The following MYH3 variants were observed in gnomAD, a reference collection of about 807,000 sequenced individuals.
The protein encoded by MYH3 is myosin-3.
A neutral mutation model predicts 238.0 loss-of-function variants in MYH3; 130 were observed. The observed-to-expected ratio is 0.55, with a 90% CI of 0.47 to 0.63. The LOEUF is 0.63. Ranked by LOEUF, MYH3 falls within the 30% of genes least tolerant of loss-of-function variation. MYH3 has a pLI of 0.00. For missense variants in MYH3, 1,853 were observed against 2,374.9 expected (o/e 0.78, Z 4.57); for synonymous variants, 880 against 924.1 (o/e 0.95, Z 0.86).
rs1300658639 is a variant in MYH3 at position 10,645,595 on chromosome 17, TTAC to T, written c.1141+109_1141+111del. The T allele has an allele frequency of 3.0e-5, 41 of 1,385,560 alleles. No individual in the cohort carries two copies. The Admixed American group carries it at 4.2e-4, about 14-fold the overall frequency. 85.8% of individuals were successfully genotyped at this position (1,385,560 alleles called of 1,614,324 possible). On this transcript the variant is annotated intron_variant, in intron 12 of 40. Transcript: ENST00000583535. Reference sequence around the variant, plus strand: ...CCCTCAGCCTCCCAAAGTGCTGGGATTACAGGTGTGAGCCACTGTGCCTGGCTG... The same window carrying T: ...CCCTCAGCCTCCCAAAGTGCTGGGATAGGTGTGAGCCACTGTGCCTGGCTG...
At chr17:10,632,051 T>G in intron 34 of MYH3, 35 bp from the exon 35 acceptor site, 1 of 1,607,042 alleles carries the variant, frequency 6.2e-7, no homozygotes. Flanking sequence ...TATTTGAAGT[T>G]GAGGCGTTAG....
At position 10,634,782 on chromosome 17, in the gene MYH3, C is replaced by T. The variant is rs1023211041; in HGVS notation, c.4356+58G>A. ...TCCGGGATGCATTCTCCTCCTTCCA[C>T]GGCTGCTAGGAATCCCTTACATCAT... is the stretch of plus-strand genomic sequence containing the variant. On this transcript the variant is annotated intron_variant, in intron 31 of 40. Transcript: ENST00000583535. 6.7e-5 allele frequency: 108 copies of T among 1,606,396 alleles called. 1 individual carries two copies. Among genetic ancestry groups the T allele is most frequent in the Middle Eastern group, 6.6e-4 (4 of 6,074 alleles).
At position 10,654,802 on chromosome 17, in the gene MYH3, C is replaced by G. The variant is rs564312919; in HGVS notation, c.204+59G>C. The stretch of plus-strand genomic sequence containing the variant: ...GCTGGGGTTGGGCAGATGCATACCC[C>G]AGGCAAGCACAAGGACCAGGTGGAG... On this transcript the variant is annotated intron_variant, in intron 3 of 40. Coordinates refer to ENST00000583535, the MANE Select transcript of MYH3 (RefSeq NM_002470.4). The surrounding 1 kb of genome is among the most constrained non-coding windows in gnomAD (Gnocchi z 4.5). 2 of 1,532,140 alleles carry G rather than the reference C, an allele frequency of 1.3e-6. No homozygotes were observed. Among genetic ancestry groups the G allele is most frequent in the African/African-American group, 2.7e-5 (2 of 73,256 alleles). 94.9% of individuals were successfully genotyped at this position (1,532,140 alleles called of 1,614,324 possible). A position where few individuals can be genotyped will look rare whatever the true frequency, so the allele number is the denominator to read the frequency against.
chr17:10,650,596 T>C (rs979681751), intron 5 of MYH3, among the ~76,000 whole-genome samples, 195 bp from the exon 6 acceptor site: 1 of 152,230 alleles, frequency 6.6e-6, no homozygotes, highest in African/African-American at 2.4e-5. Context: ...CAAACAATAT[T>C]TGTATATATT....
At chr17:10,669,758 A>C in the MYH3 span, among the ~76,000 whole-genome samples, 1 of 151,964 alleles carries the variant, frequency 6.6e-6, no homozygotes, top group African/African-American at 2.4e-5. Flanking sequence ...AAAAAACAAA[A>C]AAATCAGCTG....
intron 5 of MYH3, among the ~76,000 whole-genome samples, chr17:10,650,926 T>C (rs1238444780): frequency 6.6e-6 from 1 of 152,018 alleles, no homozygotes; most frequent in East Asian, 1.9e-4. Context: ...CAGTGGCTCA[T>C]GCCTGTAATC....
upstream of MYH3, among the ~76,000 whole-genome samples, chr17:10,660,723 A>G (rs201610): frequency 0.57 from 84,754 of 147,606 alleles, 26,170 homozygotes; most frequent in African/African-American, 0.82. Context: ...GCTCATGCCT[A>G]TAATCCCAGC....
chr17:10,674,789 G>A, the MYH3 span: 1 of 152,270 alleles, frequency 6.6e-6, no homozygotes, highest in African/African-American at 2.4e-5. Flanking sequence ...CTCAGCCTTG[G>A]CCCCTTACCT....
the MYH3 span, among the ~76,000 whole-genome samples, chr17:10,662,878 G>C: frequency 6.6e-6 from 1 of 152,098 alleles, no homozygotes; most frequent in Non-Finnish European, 1.5e-5. Flanking sequence ...CCTGAGGTAA[G>C]GAATTCAAGA....
At chr17:10,647,513 C>T in intron 8 of MYH3, 87 bp from the exon 9 acceptor site, 1 of 1,408,878 alleles carries the variant, frequency 7.1e-7, no homozygotes. Context: ...GAGTAGGAGC[C>T]TAGTCCCCCT....
the MYH3 span, among the ~76,000 whole-genome samples, chr17:10,664,062 TAA>T: frequency 9.5e-5 from 6 of 63,324 alleles, no homozygotes; most frequent in Admixed American, 1.8e-4. Context: ...GACTCCGTCT[TAA>T]AAAAAAAAAA....
chr17:10,649,766 T>C, intron 6 of MYH3, 81 bp from the exon 7 acceptor site: 1 of 1,284,308 alleles, frequency 7.8e-7, no homozygotes, highest in Non-Finnish European at 1.1e-6. Context: ...TACTGAGGCC[T>C]GGGCATGGTC....
At chr17:10,648,388 C>T (rs995690880) in intron 8 of MYH3, among the ~76,000 whole-genome samples, 169 bp downstream of exon 8, 9 of 152,328 alleles carry the variant, frequency 5.9e-5, no homozygotes, top group Middle Eastern at 3.4e-3. Context: ...CTCTTACACA[C>T]GCTGTTCATT....
upstream of MYH3, among the ~76,000 whole-genome samples, chr17:10,657,478 G>A (rs1282507480): frequency 3.3e-5 from 5 of 152,154 alleles, no homozygotes; most frequent in African/African-American, 1.2e-4. Context: ...AAATGAGCAG[G>A]ATCCATCACC....
At chr17:10,673,768 T>A in the MYH3 span, 1 of 152,198 alleles carries the variant, frequency 6.6e-6, no homozygotes, top group East Asian at 1.9e-4. Context: ...CCAAGCAGCA[T>A]CTCTCCCTGC....
intron 8 of MYH3, among the ~76,000 whole-genome samples, chr17:10,647,980 G>A (rs1162037916): frequency 6.6e-6 from 1 of 152,048 alleles, no homozygotes; most frequent in Non-Finnish European, 1.5e-5. Context: ...AGTCAACAAA[G>A]CAACTACAGT....
chr17:10,643,285 C>G (rs1227850785), intron 14 of MYH3, among the ~76,000 whole-genome samples: 2 of 152,190 alleles, frequency 1.3e-5, no homozygotes, highest in African/African-American at 4.8e-5. Context: ...TATTTCTTCT[C>G]TACTAGACTA....
upstream of MYH3, among the ~76,000 whole-genome samples, chr17:10,659,822 G>A (rs2074467245): frequency 6.6e-6 from 1 of 152,248 alleles, no homozygotes; most frequent in Non-Finnish European, 1.5e-5. Context: ...TGGAAGCGGT[G>A]AGAAGAGGGC....
the MYH3 span, among the ~76,000 whole-genome samples, chr17:10,668,366 G>A: frequency 6.6e-6 from 1 of 152,226 alleles, no homozygotes. Flanking sequence ...CTGTACTCCA[G>A]CCTGGGGGAC....
Sources: allele counts gnomAD v4.1 joint callset (sites outside exome capture counted in the v4.1 genomes callset), GRCh38; gene constraint gnomAD v4.1.1; non-coding constraint Gnocchi (gnomAD v3.1); transcripts MANE v1.5; gene names NCBI Gene and HGNC (gene_info 2026-07-23, HGNC 2026-07-21).